RARB: variants seen among roughly 807,000 people sequenced by gnomAD.
RARB encodes the protein retinoic acid receptor beta.
A neutral mutation model predicts 51.9 loss-of-function variants in RARB; 17 were observed. The ratio of observed to expected loss-of-function variants is 0.33; its 90% confidence interval spans 0.22 to 0.49. The LOEUF is 0.49. Among genes scored for constraint, RARB ranks in the 20% least tolerant of loss-of-function variants. The pLI is 0.99. For synonymous variants in RARB, 215 were observed against 195.4 expected (o/e 1.10, Z -0.84); for missense variants, 369 against 550.8 (o/e 0.67, Z 3.30).
chr3:25,457,105 T>A (rs530728837), intron 1 of RARB, among the ~76,000 whole-genome samples: 39 of 152,224 alleles, frequency 2.6e-4, no homozygotes, highest in South Asian at 6.2e-4. Flanking sequence ...GAATTTTTTT[T>A]AAAATGGCAA....
chr3:25,115,861 C>A (rs1439424177), intron 3 of RARB, among the ~76,000 whole-genome samples: 1 of 151,962 alleles, frequency 6.6e-6, no homozygotes, highest in East Asian at 1.9e-4. Flanking sequence ...GAACTTCTGG[C>A]CTCAAAGAAT....
intron 2 of RARB, among the ~76,000 whole-genome samples, chr3:24,902,743 T>C (rs1190024125): frequency 2.6e-5 from 4 of 152,106 alleles, no homozygotes; most frequent in African/African-American, 7.2e-5. Context: ...GGAAAAAAAA[T>C]GTTTCATTTT....
At chr3:25,363,663 C>T (rs747460494) in intron 5 of RARB, among the ~76,000 whole-genome samples, 1 of 152,188 alleles carries the variant, frequency 6.6e-6, no homozygotes, top group Non-Finnish European at 1.5e-5. Context: ...ATTGAAGTAG[C>T]CTACTAGACC....
chr3:25,569,993 C>CAA, intron 4 of RARB, 75 bp downstream of exon 4: 1 of 1,134,110 alleles, frequency 8.8e-7, no homozygotes, highest in Non-Finnish European at 1.2e-6. Context: ...CACACACACA[C>CAA]ACACACACAC....
chr3:25,489,104 A>T (rs1219755695), intron 2 of RARB, among the ~76,000 whole-genome samples: 1 of 152,254 alleles, frequency 6.6e-6, no homozygotes, highest in Admixed American at 6.5e-5. Context: ...CAGCAGCTCC[A>T]GGAGTGTATT....
intron 5 of RARB, among the ~76,000 whole-genome samples, chr3:25,244,692 T>G (rs1245121252): frequency 6.6e-6 from 1 of 152,180 alleles, no homozygotes; most frequent in African/African-American, 2.4e-5. Flanking sequence ...TGTTATGATT[T>G]CTCTTCTTTT....
At chr3:25,042,577 C>T (rs957542597) in intron 2 of RARB, among the ~76,000 whole-genome samples, 3 of 152,194 alleles carry the variant, frequency 2.0e-5, no homozygotes, top group African/African-American at 2.4e-5. Flanking sequence ...AATTAACATT[C>T]AGGCTTCTGA....
intron 3 of RARB, among the ~76,000 whole-genome samples, chr3:25,549,205 A>G (rs868620043): frequency 6.6e-6 from 1 of 152,126 alleles, no homozygotes; most frequent in Non-Finnish European, 1.5e-5. Flanking sequence ...GGCAGCAGAT[A>G]GAACAATGAA....
intron 2 of RARB, among the ~76,000 whole-genome samples, chr3:25,487,851 T>C (rs992147512): frequency 6.6e-6 from 1 of 152,240 alleles, no homozygotes; most frequent in Admixed American, 6.5e-5. Flanking sequence ...GTGCCTCTTG[T>C]AGCCATCTTT....
At chr3:25,180,818 C>G (rs1465307887) in intron 5 of RARB, among the ~76,000 whole-genome samples, 2 of 152,200 alleles carry the variant, frequency 1.3e-5, no homozygotes, top group African/African-American at 2.4e-5. Flanking sequence ...TCTAATTAGT[C>G]TTGTTATTTG....
chr3:24,862,782 T>C (rs1174965571), intron 2 of RARB, among the ~76,000 whole-genome samples: 1 of 152,218 alleles, frequency 6.6e-6, no homozygotes, highest in Admixed American at 6.5e-5. Flanking sequence ...ATCTTTATAT[T>C]ATACTGTACT....
chr3:25,466,942 A>G (rs753054626), intron 2 of RARB, among the ~76,000 whole-genome samples: 2 of 152,204 alleles, frequency 1.3e-5, no homozygotes, highest in Non-Finnish European at 2.9e-5. Flanking sequence ...TGGTGCCCCA[A>G]AGCTCTCATG....
chr3:25,022,740 C>A (rs1201180264), intron 2 of RARB, among the ~76,000 whole-genome samples: 2 of 152,048 alleles, frequency 1.3e-5, no homozygotes, highest in Admixed American at 6.5e-5. Context: ...ATGTAGTTAA[C>A]AAGATGACAA....
chr3:25,091,507 G>A (rs1022067174), intron 3 of RARB, among the ~76,000 whole-genome samples: 1 of 152,066 alleles, frequency 6.6e-6, no homozygotes, highest in African/African-American at 2.4e-5. Context: ...TGCCTTCTAC[G>A]GAATCCACCA....
intron 2 of RARB, among the ~76,000 whole-genome samples, chr3:25,030,271 G>A (rs1423581442): frequency 6.6e-6 from 1 of 152,176 alleles, no homozygotes; most frequent in African/African-American, 2.4e-5. Flanking sequence ...AGCCAGCAGC[G>A]CTAGCTGAAA....
chr3:24,857,670 C>T (rs1178877254), intron 1 of RARB, among the ~76,000 whole-genome samples: 1 of 152,190 alleles, frequency 6.6e-6, no homozygotes, highest in African/African-American at 2.4e-5. Context: ...AATCCCACCA[C>T]TTTGGGAGAC....
At chr3:25,300,464 T>C (rs1331911727) in intron 5 of RARB, among the ~76,000 whole-genome samples, 1 of 152,200 alleles carries the variant, frequency 6.6e-6, no homozygotes, top group African/African-American at 2.4e-5. Flanking sequence ...CTACTTCTGA[T>C]ATCCTTTTTG....
chr3:25,257,866 C>T (rs1702904968), intron 5 of RARB, among the ~76,000 whole-genome samples: 1 of 152,118 alleles, frequency 6.6e-6, no homozygotes, highest in South Asian at 2.1e-4. Flanking sequence ...CATTCTCAGC[C>T]TGAAAAACTC....
In RARB at chr3:25,196,282, C is replaced by T. The variant is rs185736006; in HGVS notation, c.178+21707C>T. Among the ~76,000 whole-genome samples, 135 of 151,986 alleles carry T rather than the reference C, an allele frequency of 8.9e-4. 1 individual carries two copies. The highest frequency in any genetic ancestry group is 6.7e-3 in the Admixed American group (102 of 15,254). ...TCCCCTTCCTGTGTCCAAGTGTTCTCATGGTTCAGTTCCCACCTATGAGTG... is the reference window on the plus strand; with the variant it reads ...TCCCCTTCCTGTGTCCAAGTGTTCTTATGGTTCAGTTCCCACCTATGAGTG... On this transcript the variant is annotated intron_variant, in intron 5 of 11. Coordinates refer to the RARB transcript ENST00000383772.
Sources: allele counts gnomAD v4.1 joint callset (sites outside exome capture counted in the v4.1 genomes callset), GRCh38; gene constraint gnomAD v4.1.1; transcripts MANE v1.5; gene names NCBI Gene and HGNC (gene_info 2026-07-23, HGNC 2026-07-21).